The following GFOD1 variants were observed in gnomAD, a reference collection of about 807,000 sequenced individuals.
GFOD1 encodes the protein Gfo/Idh/MocA-like oxidoreductase domain containing 1, also known as glucose-fructose oxidoreductase domain-containing protein 1.
In GFOD1, 9 loss-of-function variants were observed where a neutral mutation model predicts 25.4. The observed-to-expected ratio is 0.35, with a 90% CI of 0.21 to 0.62. The LOEUF (loss-of-function observed/expected upper bound fraction) is 0.62, where lower values mean the gene tolerates loss of function less well. GFOD1 is among the 20% of genes least tolerant of loss of function. The pLI is 0.72. For synonymous variants in GFOD1, 253 were observed against 245.6 expected, an observed-to-expected ratio of 1.03 and a Z score of -0.28; for missense variants, 403 against 556.9, an observed-to-expected ratio of 0.72 and a Z score of 2.78.
intron 1 of GFOD1, among the ~76,000 whole-genome samples, chr6:13,419,637 C>T (rs1352237887): frequency 6.6e-6 from 1 of 152,160 alleles, no homozygotes; most frequent in Non-Finnish European, 1.5e-5. Flanking sequence ...CAGGACCCTC[C>T]ACGATCTGCT....
At chr6:13,413,642 G>T (rs544895999) in intron 1 of GFOD1, among the ~76,000 whole-genome samples, 1 of 152,144 alleles carries the variant, frequency 6.6e-6, no homozygotes, top group Non-Finnish European at 1.5e-5. Flanking sequence ...GGGAAAAAAA[G>T]CACCACTCTG....
At chr6:13,441,364 C>G (rs919982472) in intron 1 of GFOD1, among the ~76,000 whole-genome samples, 13 of 152,210 alleles carry the variant, frequency 8.5e-5, no homozygotes, top group African/African-American at 3.1e-4. Context: ...GAGATCATTG[C>G]AAGTGATAAA....
chr6:13,403,869 G>A (rs1785895981), intron 1 of GFOD1, among the ~76,000 whole-genome samples: 1 of 152,182 alleles, frequency 6.6e-6, no homozygotes, highest in South Asian at 2.1e-4. Flanking sequence ...TGCAGTGGAA[G>A]GATGTTGGAA....
At chr6:13,405,429 T>C (rs1785926195) in intron 1 of GFOD1, among the ~76,000 whole-genome samples, 1 of 152,208 alleles carries the variant, frequency 6.6e-6, no homozygotes, top group African/African-American at 2.4e-5. Context: ...CATTTCTCTT[T>C]CAAACGAAGT....
At chr6:13,390,783 GGA>G (rs1479171105) in intron 1 of GFOD1, among the ~76,000 whole-genome samples, 2 of 113,634 alleles carry the variant, frequency 1.8e-5, no homozygotes, top group Admixed American at 8.5e-5. Context: ...GAGAGAGAAA[GGA>G]AGGAAGGAAG....
rs1785039847 is a variant in GFOD1, at chr6:13,365,990, T to G, written c.254-328A>C. On this transcript the variant is annotated intron_variant, in intron 1 of 1. Transcript: ENST00000379287. This position sits in a 1 kb window ranked among gnomAD's most constrained non-coding sequence, Gnocchi z 9.2. ...AGGAGGCCGAAGTGGGAGGATCACT[T>G]GAGCCCAGGAGGTTGAGGCTGCAGT... Among the ~76,000 whole-genome samples the G allele has an allele frequency of 6.6e-6, 1 of 150,908 alleles. No individual in the cohort carries two copies. The highest frequency in any genetic ancestry group is 1.5e-5 in the Non-Finnish European group (1 of 67,800).
intron 1 of GFOD1, among the ~76,000 whole-genome samples, chr6:13,417,315 G>A (rs947151319): frequency 9.2e-5 from 14 of 152,112 alleles, no homozygotes; most frequent in Admixed American, 5.2e-4. Context: ...CACCACGCCC[G>A]GCTAATTTTT....
intron 1 of GFOD1, chr6:13,470,366 G>T: frequency 1.9e-6 from 3 of 1,551,038 alleles, no homozygotes; most frequent in Non-Finnish European, 2.6e-6. Flanking sequence ...GCAGCATTGT[G>T]GTCCCCGTGG....
intron 1 of GFOD1, among the ~76,000 whole-genome samples, chr6:13,390,250 T>A (rs1320356834): frequency 6.6e-6 from 1 of 152,202 alleles, no homozygotes; most frequent in Admixed American, 6.5e-5. Flanking sequence ...GTGAGGTAGT[T>A]CCTCCAAACC....
rs1281586751 is a variant in GFOD1 at position 13,365,703 on chromosome 6, A to G, written c.254-41T>C. ...AGACAGCGGTCAGCGGGGCAGGACC[A>G]TGTCCGAGCGCGCGTCCCTGGGTCA... On this transcript the variant is annotated intron_variant, in intron 1 of 1. Coordinates refer to ENST00000379287, the MANE Select transcript of GFOD1 (RefSeq NM_018988.4). This position sits in a 1 kb window ranked among gnomAD's most constrained non-coding sequence, Gnocchi z 9.2. The G allele has an allele frequency of 7.1e-7, 1 of 1,399,650 alleles. No individual in the cohort carries two copies. Among genetic ancestry groups the G allele is most frequent in the East Asian group, 2.3e-5 (1 of 43,556 alleles). 86.7% of individuals were successfully genotyped at this position (1,399,650 alleles called of 1,614,324 possible). A position where few individuals can be genotyped will look rare whatever the true frequency, so the allele number is the denominator to read the frequency against.
intron 1 of GFOD1, among the ~76,000 whole-genome samples, chr6:13,444,497 C>T (rs1482880927): frequency 6.6e-6 from 1 of 151,420 alleles, no homozygotes; most frequent in East Asian, 1.9e-4. Flanking sequence ...TATACACATG[C>T]TCCTGTTAAA....
chr6:13,480,149 T>A (rs1056253408), intron 1 of GFOD1, among the ~76,000 whole-genome samples: 1 of 152,104 alleles, frequency 6.6e-6, no homozygotes, highest in Non-Finnish European at 1.5e-5. Flanking sequence ...TTGCTCCAGG[T>A]CCTCAGCTGA....
intron 1 of GFOD1, among the ~76,000 whole-genome samples, chr6:13,407,591 C>A (rs560190069): frequency 6.6e-6 from 1 of 152,106 alleles, no homozygotes; most frequent in East Asian, 1.9e-4. Flanking sequence ...TTCAAAACAC[C>A]CTGTTACAAT....
chr6:13,464,778 G>T (rs747731764), intron 1 of GFOD1, among the ~76,000 whole-genome samples: 50 of 152,102 alleles, frequency 3.3e-4, no homozygotes, highest in Non-Finnish European at 4.1e-4. Context: ...GACTTGAACT[G>T]CAACATTAAC....
chr6:13,392,198 T>C (rs2127561481), intron 1 of GFOD1, among the ~76,000 whole-genome samples: 1 of 151,900 alleles, frequency 6.6e-6, no homozygotes, highest in East Asian at 1.9e-4. Flanking sequence ...CCACCTCTAC[T>C]AAAAAAATAT....
intron 1 of GFOD1, among the ~76,000 whole-genome samples, chr6:13,423,819 G>A (rs1386118270): frequency 1.3e-5 from 2 of 152,194 alleles, no homozygotes; most frequent in Non-Finnish European, 2.9e-5. Flanking sequence ...CGAAGCAAGA[G>A]CATCCTCAGC....
intron 1 of GFOD1, among the ~76,000 whole-genome samples, chr6:13,386,372 G>A (rs777221787): frequency 2.0e-5 from 3 of 152,114 alleles, no homozygotes; most frequent in Admixed American, 6.5e-5. Flanking sequence ...TACACACCGC[G>A]TAGGTGAAAG....
intron 1 of GFOD1, among the ~76,000 whole-genome samples, chr6:13,367,954 G>C (rs893238150): frequency 2.6e-5 from 4 of 152,052 alleles, no homozygotes; most frequent in Non-Finnish European, 5.9e-5. Context: ...GAGAAATGGG[G>C]TGATGAGACA....
rs748580494 is a variant in GFOD1, at chr6:13,365,594, C to T, written c.322G>A (p.Ala108Thr). 1.9e-6 allele frequency: 3 copies of T among 1,606,524 alleles called. No individual in the cohort carries two copies. Among genetic ancestry groups the T allele is most frequent in the Non-Finnish European group, 2.5e-6 (3 of 1,179,822 alleles). ...CTCATGAGCTTGGGGTAGTAGTGGGCGGCCGAGGTCATGCGGAAAGCGTCC... is the reference window on the plus strand; with the variant it reads ...CTCATGAGCTTGGGGTAGTAGTGGGTGGCCGAGGTCATGCGGAAAGCGTCC... ...PLDAFRMTSA[A>T]HYYPKLMSIM... is the part of the protein sequence containing the mutation. The change falls in exon 2 of 2, where the codon GCC becomes ACC. Residue 108 changes from alanine to threonine, a missense_variant. Transcript: ENST00000379287. This position sits in a 1 kb window ranked among gnomAD's most constrained non-coding sequence, Gnocchi z 9.2.
Sources: allele counts gnomAD v4.1 joint callset (sites outside exome capture counted in the v4.1 genomes callset), GRCh38; gene constraint gnomAD v4.1.1; non-coding constraint Gnocchi (gnomAD v3.1); transcripts MANE v1.5; gene names NCBI Gene and HGNC (gene_info 2026-07-23, HGNC 2026-07-21).